The following HDAC1 variants were observed in gnomAD, a reference collection of about 807,000 sequenced individuals.
HDAC1 encodes histone deacetylase 1, also known as protein deacetylase HDAC1.
Under a neutral mutation model 65.5 loss-of-function variants are expected in HDAC1, and 18 were observed. The observed-to-expected ratio is 0.27, with a 90% confidence interval of 0.19 to 0.41. HDAC1 has a LOEUF of 0.41. Among genes scored for constraint, HDAC1 ranks in the 10% least tolerant of loss-of-function variants. HDAC1 has a pLI of 1.00. For synonymous variants in HDAC1, 211 were observed against 227.9 expected (o/e 0.93, Z 0.67); for missense variants, 373 against 625.2 (o/e 0.60, Z 4.30).
intron 2 of HDAC1, among the ~76,000 whole-genome samples, chr1:32,304,299 A>C (rs72890139): frequency 0.033 from 5,092 of 152,284 alleles, 279 homozygotes; most frequent in African/African-American, 0.12. Flanking sequence ...AAGGAAGGAA[A>C]GTAGAGGAGA....
intron 1 of HDAC1, 80 bp downstream of exon 1, chr1:32,292,298 G>T: frequency 6.5e-7 from 1 of 1,537,348 alleles, no homozygotes; most frequent in South Asian, 1.2e-5. Flanking sequence ...GAGCGCCGAT[G>T]GGAGGCTGCG....
rs573501028 is a variant in HDAC1, at chr1:32,324,048, C to T, written c.281-431C>T. 8.9e-4 allele frequency among the ~76,000 whole-genome samples: 134 copies of T among 151,376 alleles called. 1 individual carries two copies. Among genetic ancestry groups the T allele is most frequent in the African/African-American group, 2.8e-3 (114 of 41,216 alleles). ...GTGATGGCACATGCCTATTGGGAGG[C>T]CAAGGCAAGAAGACTGCATGAGGCC... On this transcript the variant is annotated intron_variant, in intron 3 of 13. Coordinates refer to ENST00000373548, the MANE Select transcript of HDAC1 (RefSeq NM_004964.3).
chr1:32,316,607 A>G, intron 2 of HDAC1, 58 bp from the exon 3 acceptor site: 1 of 918,770 alleles, frequency 1.1e-6, no homozygotes, highest in Non-Finnish European at 1.8e-6. Context: ...TTCAAACTAG[A>G]TTGACTGGAC....
chr1:32,332,127 G>C lies in HDAC1; in HGVS notation c.1257G>C (p.Glu419Asp). 1 of 1,611,354 alleles carries C rather than the reference G, an allele frequency of 6.2e-7. No homozygotes were observed. Among genetic ancestry groups the C allele is most frequent in the South Asian group, 1.1e-5 (1 of 90,868 alleles). Residue 419 changes from glutamate (E) to aspartate (D), a missense_variant, in exon 12 of 14, where the codon GAG becomes GAC. Physicochemically the swap from Glu to Asp is conservative, Grantham distance 45. Coordinates refer to ENST00000373548, the MANE Select transcript of HDAC1 (RefSeq NM_004964.3). ...SSDKRIACEEEFSDSEEEGEG... is the reference protein window; with the variant it reads ...SSDKRIACEEDFSDSEEEGEG... Reference sequence around the variant, plus strand: ...ACAAACGAATTGCCTGTGAGGAAGAGTTCTCCGATTCTGAAGAGGAGGGAG... The same window carrying C: ...ACAAACGAATTGCCTGTGAGGAAGACTTCTCCGATTCTGAAGAGGAGGGAG...
intron 1 of HDAC1, among the ~76,000 whole-genome samples, chr1:32,296,930 G>A (rs1396438951): frequency 6.6e-6 from 1 of 152,104 alleles, no homozygotes; most frequent in Non-Finnish European, 1.5e-5. Flanking sequence ...TGTGATGCGA[G>A]GGTAAATGTC....
At chr1:32,318,960 A>C (rs557744182) in intron 3 of HDAC1, among the ~76,000 whole-genome samples, 1 of 152,156 alleles carries the variant, frequency 6.6e-6, no homozygotes, top group Non-Finnish European at 1.5e-5. Flanking sequence ...CTCTACTAAA[A>C]ATACAAAAAT....
At position 32,292,087 on chromosome 1, in the gene HDAC1, T is replaced by A. The variant is rs1051949291; in HGVS notation, c.-83T>A. 230 of 1,334,668 alleles carry A rather than the reference T, an allele frequency of 1.7e-4. No individual in the cohort carries two copies. Among genetic ancestry groups the A allele is most frequent in the Non-Finnish European group, 1.9e-4 (185 of 967,418 alleles). The allele number at this position is 1,334,668 out of a possible 1,614,324, so 82.7% of individuals were successfully genotyped here. A position where few individuals can be genotyped will look rare whatever the true frequency, so the allele number is the denominator to read the frequency against. ...CGGGGCGGGCCGGAGGCCCGCCCCC[T>A]CCCCCCTGGGTCGGACGCTGAGCGG... On this transcript the variant is annotated 5_prime_UTR_variant, in exon 1 of 14. Coordinates refer to ENST00000373548, the MANE Select transcript of HDAC1 (RefSeq NM_004964.3).
intron 3 of HDAC1, among the ~76,000 whole-genome samples, chr1:32,318,820 A>G (rs1641099486): frequency 6.6e-6 from 1 of 152,156 alleles, no homozygotes; most frequent in African/African-American, 2.4e-5. Flanking sequence ...AAAGTTGTAC[A>G]TTAAAAAATT....
chr1:32,305,156 C>G (rs1570009283), intron 2 of HDAC1, among the ~76,000 whole-genome samples: 1 of 152,112 alleles, frequency 6.6e-6, no homozygotes, highest in Non-Finnish European at 1.5e-5. Flanking sequence ...TAAACATGTT[C>G]TTGAGACTCA....
At chr1:32,310,354 T>C (rs1640973384) in intron 2 of HDAC1, among the ~76,000 whole-genome samples, 1 of 152,158 alleles carries the variant, frequency 6.6e-6, no homozygotes, top group African/African-American at 2.4e-5. Flanking sequence ...ACTTGATATT[T>C]TGAGTAATGA....
Position 32,326,925 on chromosome 1 carries a change from T to C in HDAC1, c.356-14T>C. The C allele has an allele frequency of 1.2e-6, 2 of 1,613,692 alleles. No homozygotes were observed. The highest frequency in any genetic ancestry group is 1.7e-6 in the Non-Finnish European group (2 of 1,179,904). On this transcript the variant is annotated splice_polypyrimidine_tract_variant and intron_variant, in intron 4 of 13. Coordinates refer to ENST00000373548, the MANE Select transcript of HDAC1 (RefSeq NM_004964.3). ...GCTTAGTAACAGGCTTATGTTCTCTTTTCTCATGCCCAGCAAGTGCTGTGA... is the reference window on the plus strand; with the variant it reads ...GCTTAGTAACAGGCTTATGTTCTCTCTTCTCATGCCCAGCAAGTGCTGTGA...
At chr1:32,318,571 T>C (rs922319400) in intron 3 of HDAC1, among the ~76,000 whole-genome samples, 18 of 150,666 alleles carry the variant, frequency 1.2e-4, no homozygotes, top group African/African-American at 4.4e-4. Flanking sequence ...AAAAAAGACA[T>C]TAGTGCCTAT....
chr1:32,306,192 C>CTTTTTTTTTTTTTTTTTTTTT (rs59708330), intron 2 of HDAC1, among the ~76,000 whole-genome samples: 1 of 137,500 alleles, frequency 7.3e-6, no homozygotes. Flanking sequence ...TTTTCTTTTT[C>CTTTTTTTTTTTTTTTTTTTTT]TTTTTTTTTT....
In HDAC1 at chr1:32,329,141, A is replaced by G. The variant is rs771022207; in HGVS notation, c.710A>G (p.Tyr237Cys). The part of the protein sequence containing the change: ...PLRDGIDDES[Y>C]EAIFKPVMSK... ...CGAGACGGGATTGATGACGAGTCCTATGAGGCCATTTTCAAGCCGGTAAGT... is the reference window on the plus strand; with the variant it reads ...CGAGACGGGATTGATGACGAGTCCTGTGAGGCCATTTTCAAGCCGGTAAGT... Residue 237 changes from tyrosine (Y) to cysteine (C), a missense_variant, in exon 7 of 14, where the codon TAT becomes TGT. Tyr to Cys is a radical substitution (Grantham distance 194, BLOSUM62 -2). Around this residue, in one of 4 missense-constraint regions of HDAC1, gnomAD observed 105 missense variants for 192.6 expected, o/e 0.55. Transcript: ENST00000373548. This position sits in a 1 kb window ranked among gnomAD's most constrained non-coding sequence, Gnocchi z 4.1. 1.9e-6 allele frequency: 3 copies of G among 1,610,482 alleles called. No individual in the cohort carries two copies. Among genetic ancestry groups the G allele is most frequent in the Non-Finnish European group, 2.5e-6 (3 of 1,176,782 alleles).
rs1641272675 is a variant in HDAC1 at position 32,330,225 on chromosome 1, T to C, written c.730-353T>C. 4.0e-6 allele frequency: 1 copy of C among 249,154 alleles called. No homozygotes were observed. Among genetic ancestry groups the C allele is most frequent in the Non-Finnish European group, 7.9e-6 (1 of 127,050 alleles). 15.4% of individuals were successfully genotyped at this position (249,154 alleles called of 1,614,324 possible). ...CTTGCTCATAATGTAAGGCTTCAAGTCTGTAAGACCGAATGAGTAGAGTAG... is the reference window on the plus strand; with the variant it reads ...CTTGCTCATAATGTAAGGCTTCAAGCCTGTAAGACCGAATGAGTAGAGTAG... On this transcript the variant is annotated intron_variant, in intron 7 of 13. Transcript: ENST00000373548. The surrounding 1 kb of genome is among the most constrained non-coding windows in gnomAD (Gnocchi z 4.2).
intron 2 of HDAC1, among the ~76,000 whole-genome samples, chr1:32,315,453 A>C (rs1488412498): frequency 6.6e-6 from 1 of 151,616 alleles, no homozygotes; most frequent in Non-Finnish European, 1.5e-5. Context: ...CCCAGGTTCA[A>C]GCGATTCTCC....
In HDAC1 at chr1:32,332,128, TTC is replaced by T. The variant is rs781304119; in HGVS notation, c.1261_1262del (p.Ser421ArgfsTer3). On this transcript the variant is annotated frameshift_variant, in exon 12 of 14. Coordinates refer to ENST00000373548, the MANE Select transcript of HDAC1 (RefSeq NM_004964.3). LOFTEE classifies it high-confidence loss of function. ...SDKRIACEEE[F>X]SDSEEEGEGG... The stretch of plus-strand genomic sequence containing the variant: ...CAAACGAATTGCCTGTGAGGAAGAG[TTC>T]TCCGATTCTGAAGAGGAGGGAGAGG... 1 of 1,610,868 alleles carries T rather than the reference TTC, an allele frequency of 6.2e-7. No homozygotes were observed. The highest frequency in any genetic ancestry group is 8.5e-7 in the Non-Finnish European group (1 of 1,178,608).
intron 11 of HDAC1, 22 bp from the exon 12 acceptor site, chr1:32,332,068 C>G (rs774348200): frequency 1.2e-5 from 18 of 1,562,582 alleles, no homozygotes; most frequent in Non-Finnish European, 1.5e-5. Flanking sequence ...CCCTCTCACC[C>G]ATGCTTCCCA....
At chr1:32,302,796 C>T in intron 2 of HDAC1, 63 bp downstream of exon 2, 1 of 782,498 alleles carries the variant, frequency 1.3e-6, no homozygotes, top group South Asian at 1.4e-5. Flanking sequence ...ATATGCCATT[C>T]ATTATCTCAT....
Sources: gnomAD v4.1 joint callset for allele counts (sites outside exome capture counted in the v4.1 genomes callset) on GRCh38, gnomAD v4.1.1 for gene constraint, gnomAD v4.1.1 regional missense constraint, Gnocchi (gnomAD v3.1) non-coding constraint, MANE v1.5 for transcripts, NCBI Gene and HGNC (gene_info 2026-07-23, HGNC 2026-07-21) for gene names.